DHX32: variants seen among roughly 807,000 people sequenced by gnomAD.
DHX32 encodes the protein putative pre-mRNA-splicing factor ATP-dependent RNA helicase DHX32.
Under a neutral mutation model 70.0 loss-of-function variants are expected in DHX32, and 51 were observed. The observed-to-expected ratio is 0.73, with a 90% CI of 0.58 to 0.92. DHX32 has a LOEUF of 0.92. Among genes scored for constraint, DHX32 ranks in the 40% least tolerant of loss-of-function variants. DHX32 has a pLI of 0.00. For synonymous variants in DHX32, 310 were observed against 315.3 expected, an observed-to-expected ratio of 0.98 and a Z score of 0.18; for missense variants, 762 against 891.8, an observed-to-expected ratio of 0.85 and a Z score of 1.85.
chr10:125,881,522 C>T (rs895535675), upstream of DHX32, among the ~76,000 whole-genome samples: 5 of 152,154 alleles, frequency 3.3e-5, no homozygotes, highest in South Asian at 4.1e-4. Context: ...TTAAGAAATC[C>T]TTTACTTTAA....
chr10:125,849,262 C>A (rs753073267), intron 6 of DHX32, among the ~76,000 whole-genome samples: 3 of 152,182 alleles, frequency 2.0e-5, no homozygotes. Context: ...CACTGTTGCA[C>A]GCAAAAACAT....
chr10:125,895,902 AT>A (rs1465419098), intron 1 of DHX32, among the ~76,000 whole-genome samples: 5 of 152,292 alleles, frequency 3.3e-5, no homozygotes, highest in Non-Finnish European at 5.9e-5. Flanking sequence ...GGCGGCTCGC[AT>A]TGCTCCACGC....
intron 2 of DHX32, among the ~76,000 whole-genome samples, chr10:125,860,817 G>A (rs1195120930): frequency 1.4e-5 from 2 of 143,306 alleles, no homozygotes; most frequent in Non-Finnish European, 3.0e-5. Flanking sequence ...GTGCAGTGGC[G>A]CAATCTCGGC....
chr10:125,852,676 A>G (rs1367946574), intron 4 of DHX32, 34 bp from the exon 5 acceptor site: 2 of 1,564,022 alleles, frequency 1.3e-6, no homozygotes, highest in East Asian at 2.2e-5. Flanking sequence ...TTAGCGTCAG[A>G]TAAGTCATGA....
intron 1 of DHX32, chr10:125,890,576 T>C (rs1455561509): frequency 6.6e-6 from 1 of 152,306 alleles, no homozygotes; most frequent in Non-Finnish European, 1.5e-5. Flanking sequence ...TTGGTTCATA[T>C]CAGATACAAC....
At chr10:125,896,295 C>G (rs1484777150) in exon 1 of DHX32, 1 of 168,478 alleles carries the variant, frequency 5.9e-6, no homozygotes, top group Non-Finnish European at 1.3e-5. Context: ...ACTCGCCCGA[C>G]GGACGCCGCG....
At chr10:125,841,437 A>T (rs1421623975) in intron 7 of DHX32, 1 of 1,556,626 alleles carries the variant, frequency 6.4e-7, no homozygotes, top group Non-Finnish European at 8.7e-7. Context: ...GGGGAAAAAC[A>T]CCTCTAGTGA....
At position 125,838,871 on chromosome 10, in the gene DHX32, C is replaced by T. The variant is rs531483113; in HGVS notation, c.1881+130G>A. On this transcript the variant is annotated intron_variant, in intron 9 of 10. Coordinates refer to ENST00000284690, the MANE Select transcript of DHX32 (RefSeq NM_018180.3). ...GGGGAAGGATACTTAAGTACCAAAT[C>T]TTTAATAATAACATGGATTTTTAGT... The T allele has an allele frequency of 3.6e-6, 4 of 1,119,144 alleles. No individual in the cohort carries two copies. The South Asian group carries it at 6.3e-5, about 18-fold the overall frequency. 69.3% of individuals were successfully genotyped at this position (1,119,144 alleles called of 1,614,324 possible). A position where few individuals can be genotyped will look rare whatever the true frequency, so the allele number is the denominator to read the frequency against.
chr10:125,849,658 C>T (rs1375551140), intron 6 of DHX32, among the ~76,000 whole-genome samples: 1 of 152,174 alleles, frequency 6.6e-6, no homozygotes, highest in Non-Finnish European at 1.5e-5. Context: ...GGCACTGCGG[C>T]AGAGCTATGG....
At chr10:125,837,614 G>A (rs549821931) in intron 10 of DHX32, among the ~76,000 whole-genome samples, 3 of 152,014 alleles carry the variant, frequency 2.0e-5, no homozygotes, top group Admixed American at 6.6e-5. Context: ...TTGTAGAGAC[G>A]GGGTCTTGCT....
At chr10:125,875,331 A>AG (rs796266232) in intron 1 of DHX32, among the ~76,000 whole-genome samples, 54 of 152,294 alleles carry the variant, frequency 3.5e-4, no homozygotes, top group African/African-American at 1.2e-3. Flanking sequence ...GAAAAAAAAA[A>AG]TGGTTTCTAC....
chr10:125,862,483 ATC>A (rs1944196469), intron 2 of DHX32, among the ~76,000 whole-genome samples: 1 of 150,898 alleles, frequency 6.6e-6, no homozygotes, highest in Admixed American at 6.6e-5. Flanking sequence ...TTCTAATGTT[ATC>A]TCTGTTTCCT....
intron 3 of DHX32, among the ~76,000 whole-genome samples, chr10:125,856,887 C>T (rs1186026734): frequency 1.3e-5 from 2 of 152,128 alleles, no homozygotes; most frequent in South Asian, 2.1e-4. Flanking sequence ...CCCAGGAGTT[C>T]GAGGTCACAC....
chr10:125,871,193 C>T (rs1045350067), intron 1 of DHX32, among the ~76,000 whole-genome samples: 16 of 152,290 alleles, frequency 1.1e-4, no homozygotes, highest in East Asian at 9.7e-4. Context: ...ATAGTATAAA[C>T]ATTATACATT....
chr10:125,848,171 A>G (rs1376429550), intron 6 of DHX32, among the ~76,000 whole-genome samples: 1 of 152,184 alleles, frequency 6.6e-6, no homozygotes, highest in Non-Finnish European at 1.5e-5. Flanking sequence ...GGAGAAACTG[A>G]AGAATGAAGA....
chr10:125,847,946 T>A (rs913710364), intron 6 of DHX32, among the ~76,000 whole-genome samples: 1 of 152,170 alleles, frequency 6.6e-6, no homozygotes, highest in Non-Finnish European at 1.5e-5. Context: ...CCCACTCACC[T>A]CCTGCTGTCC....
At chr10:125,890,538 A>ATTTT (rs1944364282) in intron 1 of DHX32, 43 of 106,128 alleles carry the variant, frequency 4.1e-4, no homozygotes, top group African/African-American at 1.1e-3. Context: ...CTTTTTAAAA[A>ATTTT]TAAAAAAGGT....
chr10:125,843,802 C>T (rs1854942869), intron 6 of DHX32, among the ~76,000 whole-genome samples: 2 of 152,150 alleles, frequency 1.3e-5, no homozygotes, highest in South Asian at 2.1e-4. Context: ...TTCAGCCTGA[C>T]GCGCCCACCA....
Position 125,859,686 on chromosome 10 carries a change from A to T in DHX32, c.766T>A (p.Phe256Ile). ...AAGATAAGGCGTAAAATAGACTCAAAAGAATCCTTTTGAGCCTCACTAAGG... is the reference window on the plus strand; with the variant it reads ...AAGATAAGGCGTAAAATAGACTCAATAGAATCCTTTTGAGCCTCACTAAGG... ...VYLSEAQKDS[F>I]ESILRLIFEI... is the part of the protein sequence containing the mutation. The change falls in exon 3 of 11, where the codon TTT (phenylalanine) becomes ATT (isoleucine). Residue 256 changes from phenylalanine to isoleucine, a missense_variant. By Grantham distance (21) the Phe-to-Ile change is conservative (BLOSUM62 0). Transcript: ENST00000284690. The T allele has an allele frequency of 6.2e-7, 1 of 1,613,776 alleles. No individual in the cohort carries two copies. Among genetic ancestry groups the T allele is most frequent in the African/African-American group, 1.3e-5 (1 of 74,994 alleles).
Sources: allele counts gnomAD v4.1 joint callset (sites outside exome capture counted in the v4.1 genomes callset), GRCh38; gene constraint gnomAD v4.1.1; transcripts MANE v1.5; gene names NCBI Gene and HGNC (gene_info 2026-07-23, HGNC 2026-07-21).